Variants in DNAH14 observed in about 807,000 individuals in gnomAD.
The protein encoded by DNAH14 is axonemal beta dynein heavy chain 14.
In DNAH14, 478 loss-of-function variants were observed where a neutral mutation model predicts 520.9. The observed-to-expected ratio is 0.92, with a 90% CI of 0.85 to 0.99. The LOEUF is 0.99. DNAH14 is among the 50% of genes least tolerant of loss of function. The pLI is 0.00. For missense variants in DNAH14, 4,831 were observed against 5,234.5 expected (o/e 0.92, Z 2.38); for synonymous variants, 1,581 against 1,757.2 (o/e 0.90, Z 2.51).
chr1:225,223,598 C>T (rs1032373103), intron 41 of DNAH14, among the ~76,000 whole-genome samples: 10 of 152,190 alleles, frequency 6.6e-5, no homozygotes, highest in African/African-American at 2.4e-4. Context: ...AATTTGCAAC[C>T]TATGGGGCCT....
chr1:224,946,086 G>C (rs1274385489), intron 1 of DNAH14, among the ~76,000 whole-genome samples: 1 of 152,200 alleles, frequency 6.6e-6, no homozygotes, highest in African/African-American at 2.4e-5. Context: ...TGCCCCCAGA[G>C]GTGGAGTCTA....
chr1:225,008,439 C>T (rs1296805317), intron 10 of DNAH14, among the ~76,000 whole-genome samples: 1 of 152,098 alleles, frequency 6.6e-6, no homozygotes, highest in African/African-American at 2.4e-5. Context: ...GGTATATACA[C>T]AGTAATGGGA....
At chr1:225,022,986 A>G (rs938184137) in intron 10 of DNAH14, among the ~76,000 whole-genome samples, 10 of 152,200 alleles carry the variant, frequency 6.6e-5, no homozygotes, top group Admixed American at 5.2e-4. Context: ...AAACTGACAC[A>G]GGAACAGAAA....
chr1:225,374,607 A>G (rs2095672105), intron 77 of DNAH14, 81 bp from the exon 78 acceptor site: 2 of 1,208,804 alleles, frequency 1.7e-6, no homozygotes, highest in South Asian at 3.7e-5. Flanking sequence ...GCTGTTTGAG[A>G]GTTGATTTTA....
intron 17 of DNAH14, among the ~76,000 whole-genome samples, chr1:225,058,199 A>G (rs1284894420): frequency 6.6e-6 from 1 of 152,150 alleles, no homozygotes; most frequent in Non-Finnish European, 1.5e-5. Flanking sequence ...TTATTGCCTC[A>G]ATTTCAGAGC....
At chr1:225,129,609 A>G (rs2078161538) in intron 27 of DNAH14, among the ~76,000 whole-genome samples, 1 of 152,190 alleles carries the variant, frequency 6.6e-6, no homozygotes, top group Non-Finnish European at 1.5e-5. Flanking sequence ...AAAACTGGCT[A>G]GCCATATGTA....
intron 1 of DNAH14, among the ~76,000 whole-genome samples, chr1:224,939,800 A>T (rs991986359): frequency 6.6e-6 from 1 of 152,198 alleles, no homozygotes; most frequent in African/African-American, 2.4e-5. Flanking sequence ...CCTCTTTGAT[A>T]TGGTTTGGCT....
At chr1:225,072,130 T>C (rs2071616494) in intron 17 of DNAH14, among the ~76,000 whole-genome samples, 1 of 152,212 alleles carries the variant, frequency 6.6e-6, no homozygotes, top group South Asian at 2.1e-4. Context: ...TATTCTGAGA[T>C]ATGTTTTTCA....
chr1:225,221,396 G>T (rs1348231021), intron 41 of DNAH14, among the ~76,000 whole-genome samples: 1 of 152,164 alleles, frequency 6.6e-6, no homozygotes, highest in African/African-American at 2.4e-5. Flanking sequence ...GAAAACATTT[G>T]CAATCTGTGC....
In DNAH14 at chr1:225,082,535, A is replaced by T; in HGVS notation, c.3137-14A>T. On this transcript the variant is annotated splice_polypyrimidine_tract_variant and intron_variant, in intron 19 of 85. Transcript: ENST00000682510. ...GAACATATTATAAGCCTACTGACCC[A>T]TTGTTATTTATAGGTTTACCTAAAA... The T allele has an allele frequency of 1.3e-6, 2 of 1,522,912 alleles. No homozygotes were observed. Among genetic ancestry groups the T allele is most frequent in the Non-Finnish European group, 1.8e-6 (2 of 1,133,070 alleles). The allele number at this position is 1,522,912 out of a possible 1,614,324, so 94.3% of individuals were successfully genotyped here. A position where few individuals can be genotyped will look rare whatever the true frequency, so the allele number is the denominator to read the frequency against.
At chr1:224,941,824 T>G (rs139819707) in intron 1 of DNAH14, among the ~76,000 whole-genome samples, 1 of 152,186 alleles carries the variant, frequency 6.6e-6, no homozygotes, top group African/African-American at 2.4e-5. Flanking sequence ...GTTGTAGATA[T>G]GTGGCATTAT....
At position 225,078,849 on chromosome 1, in the gene DNAH14, TCTCTCTCTCC is replaced by T; in HGVS notation, c.2425-348_2425-339del. On this transcript the variant is annotated intron_variant, in intron 17 of 85. Transcript: ENST00000682510. ...CCCTCTCTCTCTCTCTCTCCCTCTC[TCTCTCTCTCC>T]CTCTCTCTCTCTCTCTCTCTCTCTC... 2.5e-4 allele frequency among the ~76,000 whole-genome samples: 12 copies of T among 48,048 alleles called. 1 individual carries two copies. Among genetic ancestry groups the T allele is most frequent in the African/African-American group, 1.0e-3 (12 of 11,770 alleles). 31.5% of individuals were successfully genotyped at this position (48,048 alleles called of 152,430 possible). A position where few individuals can be genotyped will look rare whatever the true frequency, so the allele number is the denominator to read the frequency against.
chr1:225,050,932 G>A (rs776703665), intron 16 of DNAH14, among the ~76,000 whole-genome samples: 5 of 152,136 alleles, frequency 3.3e-5, no homozygotes, highest in Non-Finnish European at 7.4e-5. Context: ...GCACAACCTA[G>A]ATCCCTCACA....
At chr1:225,270,946 A>G in intron 50 of DNAH14, 80 bp downstream of exon 50, 1 of 1,359,872 alleles carries the variant, frequency 7.4e-7, no homozygotes. Flanking sequence ...AAATCCACTA[A>G]TATTGAAAGA....
At chr1:225,387,292 G>C (rs970936155) in intron 81 of DNAH14, among the ~76,000 whole-genome samples, 1 of 152,044 alleles carries the variant, frequency 6.6e-6, no homozygotes, top group South Asian at 2.1e-4. Context: ...TGTAAATGAC[G>C]AGTTAACGGG....
Position 225,051,148 on chromosome 1 carries a change from C to G in DNAH14, c.2080-303C>G, listed in dbSNP as rs569829350. 3.3e-5 allele frequency among the ~76,000 whole-genome samples: 5 copies of G among 152,236 alleles called. No individual in the cohort carries two copies. In the South Asian group the frequency reaches 1.0e-3, roughly 32 times the overall value. ...TTTCTAGGGCTAAGCGTAGTATACT[C>G]TAAAACAGGGTAATAAGCAAGGGGA... On this transcript the variant is annotated intron_variant, in intron 16 of 85. Coordinates refer to ENST00000682510, the MANE Select transcript of DNAH14 (RefSeq NM_001367479.1).
intron 17 of DNAH14, among the ~76,000 whole-genome samples, chr1:225,076,892 C>A (rs1273544691): frequency 6.6e-6 from 1 of 151,830 alleles, no homozygotes; most frequent in Non-Finnish European, 1.5e-5. Flanking sequence ...TTTGCTGCAC[C>A]CATAAACTCA....
At chr1:225,078,859 C>CCTCT (rs752732306) in intron 17 of DNAH14, among the ~76,000 whole-genome samples, 97 of 18,984 alleles carry the variant, frequency 5.1e-3, no homozygotes, top group South Asian at 9.7e-3. Flanking sequence ...TCTCTCTCTC[C>CCTCT]CTCTCTCTCT....
intron 9 of DNAH14, among the ~76,000 whole-genome samples, chr1:225,004,881 C>T (rs2064045416): frequency 1.3e-5 from 2 of 152,180 alleles, no homozygotes; most frequent in South Asian, 4.2e-4. Flanking sequence ...GAAGTTAATG[C>T]CGTTAATGGT....
Sources: allele counts gnomAD v4.1 joint callset (sites outside exome capture counted in the v4.1 genomes callset), GRCh38; gene constraint gnomAD v4.1.1; transcripts MANE v1.5; gene names NCBI Gene and HGNC (gene_info 2026-07-23, HGNC 2026-07-21).